CADPS2: variants seen among roughly 807,000 people sequenced by gnomAD.
CADPS2 encodes calcium dependent secretion activator 2, also known as calcium-dependent secretion activator 2.
CADPS2 carries 93 observed loss-of-function variants against 172.5 expected under a neutral mutation model. The observed-to-expected ratio is 0.54, with a 90% CI of 0.46 to 0.64. The LOEUF is 0.64. Ranked by LOEUF, CADPS2 falls within the 30% of genes least tolerant of loss-of-function variation. The pLI, the probability that CADPS2 is intolerant of heterozygous loss-of-function variation, is 0.00. For missense variants in CADPS2, 1,420 were observed against 1,565.9 expected (o/e 0.91, Z 1.57); for synonymous variants, 546 against 555.2 (o/e 0.98, Z 0.23).
chr7:122,885,880 A>G, intron 1 of CADPS2, 119 bp downstream of exon 1: 1 of 1,226,732 alleles, frequency 8.2e-7, no homozygotes, highest in Non-Finnish European at 1.2e-6. Flanking sequence ...CTGCCCTCAG[A>G]GACTAACAAA....
At chr7:122,844,214 C>T (rs1253201456) in intron 1 of CADPS2, among the ~76,000 whole-genome samples, 1 of 152,224 alleles carries the variant, frequency 6.6e-6, no homozygotes, top group Admixed American at 6.5e-5. Context: ...AGGCAAAGAA[C>T]TAGGGGAACA....
intron 1 of CADPS2, among the ~76,000 whole-genome samples, chr7:122,788,970 G>A (rs965415274): frequency 2.6e-5 from 4 of 152,058 alleles, no homozygotes; most frequent in African/African-American, 9.7e-5. Context: ...GAACACCTTG[G>A]CTCCTGTTGG....
At chr7:122,608,092 C>G (rs1340892315) in intron 6 of CADPS2, among the ~76,000 whole-genome samples, 1 of 151,936 alleles carries the variant, frequency 6.6e-6, no homozygotes, top group African/African-American at 2.4e-5. Context: ...TGGTGCATGT[C>G]TGTAGTCCCA....
At chr7:122,720,431 T>TAC (rs2090223678) in intron 2 of CADPS2, among the ~76,000 whole-genome samples, 2 of 149,138 alleles carry the variant, frequency 1.3e-5, no homozygotes, top group African/African-American at 4.9e-5. Context: ...TATATATATA[T>TAC]ACATATATAT....
At chr7:122,678,872 C>CGGA (rs2082662165) in intron 2 of CADPS2, among the ~76,000 whole-genome samples, 1 of 152,012 alleles carries the variant, frequency 6.6e-6, no homozygotes, top group Admixed American at 6.6e-5. Context: ...GAAACCATGG[C>CGGA]AGAACATAAA....
chr7:122,586,949 G>A (rs2069802666), intron 6 of CADPS2, among the ~76,000 whole-genome samples: 1 of 151,682 alleles, frequency 6.6e-6, no homozygotes, highest in South Asian at 2.1e-4. Flanking sequence ...CTATTAAAAA[G>A]ATTATTAAAA....
intron 1 of CADPS2, among the ~76,000 whole-genome samples, chr7:122,827,025 C>T (rs1805098730): frequency 1.3e-5 from 2 of 151,954 alleles, no homozygotes; most frequent in Admixed American, 6.6e-5. Context: ...GGTAAACCTC[C>T]AGCAACAGTA....
intron 2 of CADPS2, among the ~76,000 whole-genome samples, chr7:122,726,375 G>A (rs1381601266): frequency 6.6e-6 from 1 of 151,952 alleles, no homozygotes; most frequent in Non-Finnish European, 1.5e-5. Flanking sequence ...TACGTTACTT[G>A]TTTAATGTTC....
chr7:122,387,235 A>C (rs1051023641), intron 23 of CADPS2, 62 bp from the exon 24 acceptor site: 2 of 1,495,780 alleles, frequency 1.3e-6, no homozygotes, highest in African/African-American at 2.8e-5. Flanking sequence ...CTGTTTTGTA[A>C]AAAGTGAAAT....
intron 6 of CADPS2, among the ~76,000 whole-genome samples, chr7:122,588,625 T>C (rs1196207537): frequency 1.3e-5 from 2 of 151,990 alleles, no homozygotes; most frequent in African/African-American, 4.8e-5. Flanking sequence ...ACATTCAGTA[T>C]TTATTTGGTA....
In CADPS2 at chr7:122,387,085, C is replaced by T; in HGVS notation, c.3253G>A (p.Val1085Ile). 6.4e-7 allele frequency: 1 copy of T among 1,563,820 alleles called. No individual in the cohort carries two copies. Among genetic ancestry groups the T allele is most frequent in the Non-Finnish European group, 8.7e-7 (1 of 1,152,130 alleles). ...CTTTGCTTTTTGGCATCGACTAATACATTAAACATAGTGCAAACGGAAGCT... is the reference window on the plus strand; with the variant it reads ...CTTTGCTTTTTGGCATCGACTAATATATTAAACATAGTGCAAACGGAAGCT... ...IPASVCTMFN[V>I]LVDAKKQSTK... Residue 1085 changes from valine (V) to isoleucine (I), a missense_variant, in exon 24 of 30, where the codon GTA becomes ATA. Transcript: ENST00000449022.
At chr7:122,407,926 T>C in intron 19 of CADPS2, 1 of 441,066 alleles carries the variant, frequency 2.3e-6, no homozygotes, top group Non-Finnish European at 4.0e-6. Flanking sequence ...TACAAGGACA[T>C]TTATTCCTTT....
intron 2 of CADPS2, among the ~76,000 whole-genome samples, chr7:122,727,432 T>C (rs1249990720): frequency 6.6e-6 from 1 of 151,594 alleles, no homozygotes; most frequent in East Asian, 2.0e-4. Context: ...CAGATTTACT[T>C]ACCCACAGCC....
chr7:122,797,927 T>C (rs1182069242), intron 1 of CADPS2, among the ~76,000 whole-genome samples: 1 of 152,128 alleles, frequency 6.6e-6, no homozygotes, highest in Non-Finnish European at 1.5e-5. Flanking sequence ...ACTCATTCTC[T>C]AATTCATAGA....
intron 1 of CADPS2, among the ~76,000 whole-genome samples, chr7:122,878,639 CAAAT>C (rs59190953): frequency 0.21 from 28,813 of 138,626 alleles, 3,128 homozygotes; most frequent in Middle Eastern, 0.25. Context: ...GACTCTGTCT[CAAAT>C]AAATAAATAA....
At chr7:122,616,751 T>C (rs1386095607) in intron 5 of CADPS2, among the ~76,000 whole-genome samples, 2 of 152,112 alleles carry the variant, frequency 1.3e-5, no homozygotes, top group Admixed American at 6.6e-5. Context: ...AAATACTAAA[T>C]CTTGATTAAA....
At chr7:122,866,840 A>T (rs941600055) in intron 1 of CADPS2, among the ~76,000 whole-genome samples, 1 of 152,160 alleles carries the variant, frequency 6.6e-6, no homozygotes, top group African/African-American at 2.4e-5. Flanking sequence ...GCTTCCCAGC[A>T]CACCTAAATT....
intron 27 of CADPS2, among the ~76,000 whole-genome samples, chr7:122,355,780 G>A (rs2039318485): frequency 6.6e-6 from 1 of 152,120 alleles, no homozygotes; most frequent in Admixed American, 6.6e-5. Context: ...ATGCAGTTAT[G>A]TAGCTTATTC....
At chr7:122,619,554 G>T (rs148845114) in intron 5 of CADPS2, among the ~76,000 whole-genome samples, 144 of 152,250 alleles carry the variant, frequency 9.5e-4, no homozygotes, top group African/African-American at 3.3e-3. Flanking sequence ...TTGAACCCAG[G>T]AAGTGGAGGT....
Sources: gnomAD v4.1 joint callset for allele counts (sites outside exome capture counted in the v4.1 genomes callset) on GRCh38, gnomAD v4.1.1 for gene constraint, MANE v1.5 for transcripts, NCBI Gene and HGNC (gene_info 2026-07-23, HGNC 2026-07-21) for gene names.